RBFOX1: variants seen among roughly 807,000 people sequenced by gnomAD.
RBFOX1 encodes the protein RNA binding protein fox-1 homolog 1.
In RBFOX1, 8 loss-of-function variants were observed where a neutral mutation model predicts 57.7. The ratio of observed to expected loss-of-function variants is 0.14; its 90% CI spans 0.08 to 0.25. The LOEUF (loss-of-function observed/expected upper bound fraction) is 0.25, where lower values mean the gene tolerates loss of function less well. Ranked by LOEUF, RBFOX1 falls within the 10% of genes least tolerant of loss-of-function variation. The pLI is 1.00. For synonymous variants in RBFOX1, 326 were observed against 222.4 expected (o/e 1.47, Z -4.15); for missense variants, 611 against 548.5 (o/e 1.11, Z -1.14).
At chr16:7,092,785 G>A (rs570873786) in intron 4 of RBFOX1, among the ~76,000 whole-genome samples, 23 of 152,318 alleles carry the variant, frequency 1.5e-4, no homozygotes, top group Admixed American at 9.1e-4. Context: ...CCTGTTGATT[G>A]CAGTTCACAA....
At chr16:5,783,980 G>A (rs11076965) in intron 3 of RBFOX1, among the ~76,000 whole-genome samples, 43,401 of 151,958 alleles carry the variant, frequency 0.29, 6,585 homozygotes, top group East Asian at 0.55. Context: ...TTCTTACCTT[G>A]CTGTAAAAAC....
intron 1 of RBFOX1, among the ~76,000 whole-genome samples, chr16:5,360,547 A>G (rs2065518148): frequency 6.6e-6 from 1 of 152,188 alleles, no homozygotes; most frequent in Non-Finnish European, 1.5e-5. Flanking sequence ...AGTCTAATGC[A>G]TTGAGTGAAT....
chr16:5,251,363 C>T (rs1357997813), intron 1 of RBFOX1, among the ~76,000 whole-genome samples: 5 of 152,256 alleles, frequency 3.3e-5, no homozygotes, highest in African/African-American at 1.2e-4. Flanking sequence ...TTCACGGCGC[C>T]GGCCTTGTGC....
chr16:5,637,526 C>G (rs969065201), intron 3 of RBFOX1, among the ~76,000 whole-genome samples: 8 of 152,166 alleles, frequency 5.3e-5, no homozygotes, highest in Non-Finnish European at 8.8e-5. Flanking sequence ...GTGTGATGCA[C>G]CTAGACTATT....
intron 4 of RBFOX1, among the ~76,000 whole-genome samples, chr16:7,137,854 G>A (rs1283818655): frequency 6.6e-6 from 1 of 152,126 alleles, no homozygotes; most frequent in East Asian, 1.9e-4. Context: ...ACATGTTTTG[G>A]CTGATTTTTA....
chr16:6,856,305 T>A (rs1418414196), intron 3 of RBFOX1, among the ~76,000 whole-genome samples: 1 of 152,142 alleles, frequency 6.6e-6, no homozygotes, highest in African/African-American at 2.4e-5. Flanking sequence ...ATGTAGGAGT[T>A]CTATTCCCAA....
intron 2 of RBFOX1, among the ~76,000 whole-genome samples, chr16:6,358,804 A>G (rs1230369619): frequency 6.6e-6 from 1 of 152,166 alleles, no homozygotes; most frequent in African/African-American, 2.4e-5. Flanking sequence ...GTGAATTTAG[A>G]GAAGAGTGGT....
At chr16:7,008,664 C>T (rs2093445881) in intron 3 of RBFOX1, among the ~76,000 whole-genome samples, 1 of 14,638 alleles carries the variant, frequency 6.8e-5, no homozygotes, top group Non-Finnish European at 1.1e-4. Context: ...TCCCTTCCTC[C>T]CTCCCTCCCT....
chr16:7,386,957 T>G (rs1351352723), intron 4 of RBFOX1, among the ~76,000 whole-genome samples: 1 of 152,224 alleles, frequency 6.6e-6, no homozygotes, highest in Admixed American at 6.5e-5. Context: ...GTGGTTTTGA[T>G]TTGCATTTCT....
chr16:5,788,471 A>C (rs2054584676), intron 3 of RBFOX1, among the ~76,000 whole-genome samples: 1 of 152,054 alleles, frequency 6.6e-6, no homozygotes, highest in Non-Finnish European at 1.5e-5. Flanking sequence ...TCTACCAAAA[A>C]TACAAAATTT....
chr16:5,724,985 C>G (rs984496174), intron 3 of RBFOX1, among the ~76,000 whole-genome samples: 1 of 152,180 alleles, frequency 6.6e-6, no homozygotes, highest in Non-Finnish European at 1.5e-5. Flanking sequence ...TCTGCTCAAA[C>G]CTTGCCCATT....
intron 3 of RBFOX1, among the ~76,000 whole-genome samples, chr16:5,609,040 A>G (rs2047684329): frequency 6.6e-6 from 1 of 152,208 alleles, no homozygotes; most frequent in Non-Finnish European, 1.5e-5. Context: ...TTTAATCAAG[A>G]AAGACGGAAG....
intron 2 of RBFOX1, among the ~76,000 whole-genome samples, chr16:6,601,482 C>G (rs576045476): frequency 6.2e-4 from 94 of 152,042 alleles, no homozygotes; most frequent in Non-Finnish European, 1.2e-3. Flanking sequence ...TAAGGGAACT[C>G]TACATACAAG....
intron 3 of RBFOX1, among the ~76,000 whole-genome samples, chr16:6,927,737 A>G (rs537215034): frequency 1.3e-4 from 20 of 152,114 alleles, no homozygotes; most frequent in African/African-American, 3.9e-4. Context: ...TCAGTGCCCT[A>G]TGTAAGGCCT....
chr16:7,205,702 A>T (rs1454895148), intron 4 of RBFOX1, among the ~76,000 whole-genome samples: 1 of 152,214 alleles, frequency 6.6e-6, no homozygotes, highest in Non-Finnish European at 1.5e-5. Context: ...TTGGTCCACC[A>T]TCTGCAGTCT....
At chr16:6,860,586 A>G (rs1241863517) in intron 3 of RBFOX1, among the ~76,000 whole-genome samples, 1 of 152,226 alleles carries the variant, frequency 6.6e-6, no homozygotes, top group Non-Finnish European at 1.5e-5. Context: ...AGACACATAG[A>G]AGATTCATTG....
chr16:6,989,800 A>T (rs961357537), intron 3 of RBFOX1, among the ~76,000 whole-genome samples: 8 of 151,692 alleles, frequency 5.3e-5, no homozygotes, highest in African/African-American at 1.9e-4. Context: ...AGGATTTCGA[A>T]ACTAGCCTGG....
In RBFOX1 at chr16:6,019,761, C is replaced by T. The variant is rs765038798; in HGVS notation, c.-358C>T. 7.1e-7 allele frequency: 1 copy of T among 1,404,160 alleles called. No homozygotes were observed. Among genetic ancestry groups the T allele is most frequent in the East Asian group, 2.7e-5 (1 of 36,824 alleles). 87.0% of individuals were successfully genotyped at this position (1,404,160 alleles called of 1,614,324 possible). On this transcript the variant is annotated 5_prime_UTR_variant, in exon 1 of 16. Coordinates refer to ENST00000550418, the MANE Select transcript of RBFOX1 (RefSeq NM_018723.4). This position sits in a 1 kb window ranked among gnomAD's most constrained non-coding sequence, Gnocchi z 4.2. Reference sequence around the variant, plus strand: ...TGAGAGTCCTTGCGCTCCAGACCCCCACCCAGTGGCCGCCAGGGTCCCCGC... The same window carrying T: ...TGAGAGTCCTTGCGCTCCAGACCCCTACCCAGTGGCCGCCAGGGTCCCCGC...
At chr16:7,132,703 A>T (rs1278087028) in intron 4 of RBFOX1, among the ~76,000 whole-genome samples, 11 of 152,180 alleles carry the variant, frequency 7.2e-5, no homozygotes, top group Admixed American at 7.2e-4. Flanking sequence ...CCTTGAGGAA[A>T]TTATGCTAAG....
Sources: allele counts gnomAD v4.1 joint callset (sites outside exome capture counted in the v4.1 genomes callset), GRCh38; gene constraint gnomAD v4.1.1; non-coding constraint Gnocchi (gnomAD v3.1); transcripts MANE v1.5; gene names NCBI Gene and HGNC (gene_info 2026-07-23, HGNC 2026-07-21).